The following HSPH1 variants were observed in gnomAD, a reference collection of about 807,000 sequenced individuals.
HSPH1 encodes heat shock protein family H (Hsp110) member 1, also known as heat shock protein 105 kDa.
A neutral mutation model predicts 100.0 loss-of-function variants in HSPH1; 40 were observed. That is an observed-to-expected ratio of 0.40 (90% CI 0.31 to 0.52). The LOEUF is 0.52. HSPH1 is among the 20% of genes least tolerant of loss of function. The pLI, the probability that HSPH1 is intolerant of heterozygous loss-of-function variation, is 0.54. For missense variants in HSPH1, 876 were observed against 1,015.1 expected (o/e 0.86, Z 1.86); for synonymous variants, 403 against 344.0 (o/e 1.17, Z -1.90).
At position 31,158,991 on chromosome 13, in the gene HSPH1, G is replaced by A. The variant is rs1773695993; in HGVS notation, c.108-128C>T. The A allele has an allele frequency of 1.2e-5, 7 of 603,106 alleles. No individual in the cohort carries two copies. In the South Asian group the frequency reaches 1.3e-4, roughly 11 times the overall value. 37.4% of individuals were successfully genotyped at this position (603,106 alleles called of 1,614,324 possible). ...GGGAACAAGCATAGCACAATTTTAA[G>A]GTCTATAGCTTTCATCAGATACTCA... On this transcript the variant is annotated intron_variant, in intron 1 of 17. Coordinates refer to ENST00000320027, the MANE Select transcript of HSPH1 (RefSeq NM_006644.4).
Position 31,137,475 on chromosome 13 carries a change from A to G in HSPH1, c.2420T>C (p.Ile807Thr). The part of the protein sequence containing the change: ...EPVVTQPKPK[I>T]ESPKLERTPN... ...AGTTCTTTCCAGTTTGGGTGATTCA[A>G]TTTTTGGTTTCGGTTGTGTTACAAC... Residue 807 changes from isoleucine (I) to threonine (T), a missense_variant, in exon 18 of 18, where the codon ATT becomes ACT. Physicochemically the swap from Ile to Thr is moderately conservative, Grantham distance 89. Coordinates refer to ENST00000320027, the MANE Select transcript of HSPH1 (RefSeq NM_006644.4). The G allele has an allele frequency of 1.2e-6, 2 of 1,613,596 alleles. No individual in the cohort carries two copies. Among genetic ancestry groups the G allele is most frequent in the Non-Finnish European group, 1.7e-6 (2 of 1,179,726 alleles).
intron 1 of HSPH1, among the ~76,000 whole-genome samples, chr13:31,159,921 C>T (rs147289579): frequency 6.6e-6 from 1 of 152,200 alleles, no homozygotes; most frequent in African/African-American, 2.4e-5. Context: ...CTCTGAATAA[C>T]CATACACTTG....
At chr13:31,162,295 AT>A, upstream of HSPH1, 3 of 603,154 alleles carry the variant, frequency 5.0e-6, no homozygotes, top group African/African-American at 1.9e-5. Flanking sequence ...GACAGACCCC[AT>A]TTTTGCAGAG....
At position 31,145,906 on chromosome 13, in the gene HSPH1, A is replaced by C. The variant is rs1365469392; in HGVS notation, c.1379-138T>G. 12 of 680,500 alleles carry C rather than the reference A, an allele frequency of 1.8e-5. No individual in the cohort carries two copies. In the East Asian group the frequency reaches 3.3e-4, roughly 18 times the overall value. The allele number at this position is 680,500 out of a possible 1,614,324, so 42.2% of individuals were successfully genotyped here. ...AGGCCGTGGTGGGTCACTTGAGCCC[A>C]AGAGTTTGAGACCAGCCTGGGCAAG... On this transcript the variant is annotated intron_variant, in intron 10 of 17. Coordinates refer to ENST00000320027, the MANE Select transcript of HSPH1 (RefSeq NM_006644.4).
chr13:31,142,569 G>T (rs1171877228), intron 12 of HSPH1, among the ~76,000 whole-genome samples: 1 of 152,104 alleles, frequency 6.6e-6, no homozygotes, highest in African/African-American at 2.4e-5. Flanking sequence ...GCACATGTAC[G>T]GAAGTTAAAT....
chr13:31,145,880 G>A lies in HSPH1; in HGVS notation c.1379-112C>T, dbSNP rs1956249594. 3.2e-6 allele frequency: 3 copies of A among 934,328 alleles called. No individual in the cohort carries two copies. In the Admixed American group the frequency reaches 6.3e-5, roughly 20 times the overall value. 57.9% of individuals were successfully genotyped at this position (934,328 alleles called of 1,614,324 possible). ...CATGTCTGTAATCCCAGCACTTTGG[G>A]AGGCCGTGGTGGGTCACTTGAGCCC... On this transcript the variant is annotated intron_variant, in intron 10 of 17. Transcript: ENST00000320027.
At chr13:31,152,465 T>C (rs1189917468) in intron 5 of HSPH1, 1 of 209,672 alleles carries the variant, frequency 4.8e-6, no homozygotes, top group Non-Finnish European at 9.6e-6. Flanking sequence ...TGATCACCTA[T>C]CTACAGTTCA....
chr13:31,143,466 T>A (rs1565999065), intron 12 of HSPH1, among the ~76,000 whole-genome samples: 1 of 152,140 alleles, frequency 6.6e-6, no homozygotes, highest in Non-Finnish European at 1.5e-5. Flanking sequence ...GTAGCCCTGG[T>A]AAATATCAAG....
Position 31,152,840 on chromosome 13 carries a change from C to A in HSPH1, c.529+12G>T, listed in dbSNP as rs534642557. ...TAGTATATTCACTTCCACACAAATG[C>A]CTTTTCCTTACCAGCTGTCATGTCA... On this transcript the variant is annotated intron_variant, in intron 5 of 17. Coordinates refer to ENST00000320027, the MANE Select transcript of HSPH1 (RefSeq NM_006644.4). The A allele has an allele frequency of 6.4e-7, 1 of 1,559,240 alleles. No individual in the cohort carries two copies. Among genetic ancestry groups the A allele is most frequent in the Non-Finnish European group, 8.8e-7 (1 of 1,130,414 alleles).
intron 3 of HSPH1, among the ~76,000 whole-genome samples, chr13:31,155,158 C>T (rs1193625233): frequency 2.6e-5 from 4 of 152,104 alleles, no homozygotes; most frequent in Non-Finnish European, 5.9e-5. Context: ...AAAAAGATTC[C>T]TGGTGTTACT....
intron 7 of HSPH1, among the ~76,000 whole-genome samples, chr13:31,150,564 T>C (rs891253322): frequency 6.6e-6 from 1 of 152,172 alleles, no homozygotes; most frequent in African/African-American, 2.4e-5. Context: ...GTTGTGACCA[T>C]AGGCATGTAC....
At chr13:31,151,423 A>G (rs989765079) in intron 6 of HSPH1, 186 bp downstream of exon 6, 2 of 680,336 alleles carry the variant, frequency 2.9e-6, no homozygotes, top group Admixed American at 3.4e-5. Flanking sequence ...AGAACACTTA[A>G]GAGTATGCTA....
At chr13:31,144,289 G>A (rs1272376647) in intron 11 of HSPH1, among the ~76,000 whole-genome samples, 1 of 152,058 alleles carries the variant, frequency 6.6e-6, no homozygotes. Context: ...CTAGAAACAA[G>A]CTTCCAAAAC....
At chr13:31,155,163 G>A (rs904303958) in intron 3 of HSPH1, among the ~76,000 whole-genome samples, 36 of 152,156 alleles carry the variant, frequency 2.4e-4, no homozygotes, top group African/African-American at 7.2e-4. Flanking sequence ...GATTCCTGGT[G>A]TTACTACACT....
intron 4 of HSPH1, among the ~76,000 whole-genome samples, chr13:31,153,315 G>C (rs1308124783): frequency 1.3e-5 from 2 of 152,118 alleles, no homozygotes; most frequent in African/African-American, 4.8e-5. Flanking sequence ...ACTGGCATTA[G>C]GAAATTATAA....
At chr13:31,148,708 G>A (rs1422383469) in intron 8 of HSPH1, among the ~76,000 whole-genome samples, 2 of 151,736 alleles carry the variant, frequency 1.3e-5, no homozygotes, top group African/African-American at 2.4e-5. Context: ...TTAGGATAAC[G>A]ACAATTAATC....
chr13:31,138,630 C>A, intron 16 of HSPH1, 62 bp from the exon 17 acceptor site: 1 of 1,536,032 alleles, frequency 6.5e-7, no homozygotes, highest in Non-Finnish European at 8.8e-7. Context: ...TCATTTGACT[C>A]AACTTTCCAG....
At chr13:31,147,219 T>C (rs1162956159) in intron 10 of HSPH1, among the ~76,000 whole-genome samples, 2 of 152,178 alleles carry the variant, frequency 1.3e-5, no homozygotes, top group Non-Finnish European at 2.9e-5. Flanking sequence ...CTACATGCAA[T>C]GATTTCTTTT....
intron 1 of HSPH1, among the ~76,000 whole-genome samples, chr13:31,159,808 T>C (rs3827694): frequency 0.69 from 104,539 of 151,814 alleles, 36,268 homozygotes; most frequent in Middle Eastern, 0.74. Context: ...CCTCAAACTA[T>C]ATTATCTGAG....
Sources: allele counts gnomAD v4.1 joint callset (sites outside exome capture counted in the v4.1 genomes callset), GRCh38; gene constraint gnomAD v4.1.1; transcripts MANE v1.5; gene names NCBI Gene and HGNC (gene_info 2026-07-23, HGNC 2026-07-21).